Variants in TMEM170B observed in about 807,000 individuals in gnomAD.
The protein encoded by TMEM170B is transmembrane protein 170B.
Under a neutral mutation model 13.0 loss-of-function variants are expected in TMEM170B, and 6 were observed. That is an observed-to-expected ratio of 0.46 (90% CI 0.25 to 0.91). The LOEUF is 0.91. TMEM170B is among the 40% of genes least tolerant of loss of function. The pLI, the probability that TMEM170B is intolerant of heterozygous loss-of-function variation, is 0.17. For missense variants in TMEM170B, 138 were observed against 165.2 expected (o/e 0.84, Z 0.90); for synonymous variants, 61 against 64.9 (o/e 0.94, Z 0.29).
At chr6:11,540,497 G>A (rs1200294062) in intron 1 of TMEM170B, among the ~76,000 whole-genome samples, 1 of 152,156 alleles carries the variant, frequency 6.6e-6, no homozygotes, top group Admixed American at 6.6e-5. Context: ...TCATGAGATT[G>A]CAACAATTCA....
At chr6:11,543,955 T>G (rs1477052473) in intron 1 of TMEM170B, among the ~76,000 whole-genome samples, 3 of 152,182 alleles carry the variant, frequency 2.0e-5, no homozygotes, top group African/African-American at 7.2e-5. Flanking sequence ...AATAAATTCT[T>G]AAAAAGTAAT....
Position 11,577,337 on chromosome 6 carries a change from G to T in TMEM170B, c.*1776G>T, listed in dbSNP as rs1368601667. 1 of 152,022 alleles carries T rather than the reference G, an allele frequency of 6.6e-6. No homozygotes were observed. Among genetic ancestry groups the T allele is most frequent in the Non-Finnish European group, 1.5e-5 (1 of 67,926 alleles). The allele number at this position is 152,022 out of a possible 1,614,324, so 9.4% of individuals were successfully genotyped here. A position where few individuals can be genotyped will look rare whatever the true frequency, so the allele number is the denominator to read the frequency against. Reference sequence around the variant, plus strand: ...TCTTAAAATTGATTATTTTTATTATGTACAGGCCTGAAATTGTTTTCATGT... The same window carrying T: ...TCTTAAAATTGATTATTTTTATTATTTACAGGCCTGAAATTGTTTTCATGT... On this transcript the variant is annotated 3_prime_UTR_variant, in exon 3 of 3. Coordinates refer to ENST00000379426, the MANE Select transcript of TMEM170B (RefSeq NM_001100829.3).
Position 11,538,014 on chromosome 6 carries a change from C to G in TMEM170B, c.-264C>G, listed in dbSNP as rs1185095255. 6.6e-6 allele frequency among the ~76,000 whole-genome samples: 1 copy of G among 151,204 alleles called. No individual in the cohort carries two copies. Among genetic ancestry groups the G allele is most frequent in the Non-Finnish European group, 1.5e-5 (1 of 67,616 alleles). On this transcript the variant is annotated 5_prime_UTR_variant, in exon 1 of 3. Transcript: ENST00000379426. Reference sequence around the variant, plus strand: ...TCGCTCGGGGGCCGCGCGAGGACGGCGCCCGGCCCCCTCCCCTCCTTCCTC... The same window carrying G: ...TCGCTCGGGGGCCGCGCGAGGACGGGGCCCGGCCCCCTCCCCTCCTTCCTC...
chr6:11,549,454 G>A (rs1233802456), intron 1 of TMEM170B, among the ~76,000 whole-genome samples: 1 of 152,144 alleles, frequency 6.6e-6, no homozygotes, highest in African/African-American at 2.4e-5. Flanking sequence ...ACGAGGTCAG[G>A]AGATCGAGAC....
rs1221003064 is a variant in TMEM170B at position 11,538,264 on chromosome 6, G to T, written c.-14G>T. 147 of 1,311,840 alleles carry T rather than the reference G, an allele frequency of 1.1e-4. No homozygotes were observed. The highest frequency in any genetic ancestry group is 1.4e-4 in the Non-Finnish European group (144 of 1,026,320). The allele number at this position is 1,311,840 out of a possible 1,614,324, so 81.3% of individuals were successfully genotyped here. A position where few individuals can be genotyped will look rare whatever the true frequency, so the allele number is the denominator to read the frequency against. ...GGCACCCGAGGAGAGGGCGGCGGGC[G>T]CCCCTCGGGGAAGATGAAGGCGGAG... On this transcript the variant is annotated 5_prime_UTR_variant, in exon 1 of 3. Transcript: ENST00000379426.
intron 1 of TMEM170B, among the ~76,000 whole-genome samples, chr6:11,554,502 A>T (rs2113769711): frequency 6.6e-6 from 1 of 152,210 alleles, no homozygotes; most frequent in Non-Finnish European, 1.5e-5. Context: ...TCTTTTAGGA[A>T]GACAGTGCTG....
intron 2 of TMEM170B, among the ~76,000 whole-genome samples, chr6:11,571,265 A>AC (rs1197134009): frequency 6.6e-5 from 10 of 150,498 alleles, no homozygotes; most frequent in African/African-American, 2.2e-4. Context: ...ACCTTACTGT[A>AC]CCCTTGAACT....
intron 1 of TMEM170B, among the ~76,000 whole-genome samples, chr6:11,562,457 A>G (rs1759679560): frequency 6.6e-6 from 1 of 151,156 alleles, no homozygotes; most frequent in Admixed American, 6.6e-5. Flanking sequence ...ACTGTAAAAT[A>G]TATCAGATGT....
At chr6:11,546,760 A>G (rs112498560) in intron 1 of TMEM170B, among the ~76,000 whole-genome samples, 5 of 152,334 alleles carry the variant, frequency 3.3e-5, no homozygotes, top group African/African-American at 1.2e-4. Context: ...AATGGAATAT[A>G]TGTTAGCTTA....
At chr6:11,563,996 A>G (rs1198325781) in intron 1 of TMEM170B, among the ~76,000 whole-genome samples, 1 of 152,202 alleles carries the variant, frequency 6.6e-6, no homozygotes, top group Admixed American at 6.5e-5. Context: ...ATCATATGGT[A>G]TTCATTTGTG....
At chr6:11,540,004 A>T (rs1039981407) in intron 1 of TMEM170B, among the ~76,000 whole-genome samples, 7 of 152,318 alleles carry the variant, frequency 4.6e-5, no homozygotes, top group Non-Finnish European at 7.4e-5. Context: ...AAATAGCATT[A>T]TGTCTGAAAA....
At chr6:11,563,138 A>G (rs1759692649) in intron 1 of TMEM170B, among the ~76,000 whole-genome samples, 1 of 152,082 alleles carries the variant, frequency 6.6e-6, no homozygotes, top group African/African-American at 2.4e-5. Context: ...GGAGTTTGAG[A>G]CAGCCTGACC....
rs1184161649 is a variant in TMEM170B at position 11,575,239 on chromosome 6, G to C, written c.269-192G>C. ...ATAGAAAAGTCTGTTTTTCAAATAAGTGGCTAAGTGTATTATGGTAAGTTG... is the reference window on the plus strand; with the variant it reads ...ATAGAAAAGTCTGTTTTTCAAATAACTGGCTAAGTGTATTATGGTAAGTTG... On this transcript the variant is annotated intron_variant, in intron 2 of 2. Transcript: ENST00000379426. This position sits in a 1 kb window ranked among gnomAD's most constrained non-coding sequence, Gnocchi z 4.1. 1.3e-5 allele frequency among the ~76,000 whole-genome samples: 2 copies of C among 152,044 alleles called. No homozygotes were observed. The highest frequency in any genetic ancestry group is 6.6e-5 in the Admixed American group (1 of 15,242).
rs751950056 is a variant in TMEM170B, at chr6:11,565,859, G to T, written c.268+23G>T. 17 of 1,613,066 alleles carry T rather than the reference G, an allele frequency of 1.1e-5. No homozygotes were observed. The Admixed American group carries it at 2.8e-4, about 27-fold the overall frequency. Reference sequence around the variant, plus strand: ...CCAGTAAGTTGATTTTCTTTTGTCTGAGGATGTAAGTTTGTATACACTTAC... The same window carrying T: ...CCAGTAAGTTGATTTTCTTTTGTCTTAGGATGTAAGTTTGTATACACTTAC... On this transcript the variant is annotated intron_variant, in intron 2 of 2. Transcript: ENST00000379426.
intron 1 of TMEM170B, among the ~76,000 whole-genome samples, chr6:11,542,541 T>A (rs1759376620): frequency 6.6e-6 from 1 of 152,190 alleles, no homozygotes; most frequent in South Asian, 2.1e-4. Flanking sequence ...AAATAACTAC[T>A]GTCTGAATAT....
At chr6:11,553,286 C>T (rs1047154385) in intron 1 of TMEM170B, among the ~76,000 whole-genome samples, 1 of 152,120 alleles carries the variant, frequency 6.6e-6, no homozygotes, top group Non-Finnish European at 1.5e-5. Context: ...CACTGCAAAC[C>T]TGCATTGTTC....
intron 2 of TMEM170B, among the ~76,000 whole-genome samples, chr6:11,566,101 G>A (rs1013672090): frequency 1.3e-5 from 2 of 152,156 alleles, no homozygotes; most frequent in African/African-American, 4.8e-5. Context: ...AGGCAAGGCA[G>A]GTCAATGGGA....
At chr6:11,560,047 C>T (rs1374924693) in intron 1 of TMEM170B, among the ~76,000 whole-genome samples, 1 of 151,830 alleles carries the variant, frequency 6.6e-6, no homozygotes, top group Non-Finnish European at 1.5e-5. Flanking sequence ...GTAACTTTAT[C>T]CTAGAGTAGT....
At chr6:11,565,884 C>T (rs752402067) in intron 2 of TMEM170B, 48 bp downstream of exon 2, 5 of 1,573,390 alleles carry the variant, frequency 3.2e-6, no homozygotes, top group South Asian at 1.1e-5. Context: ...TATACACTTA[C>T]CATTTTGGTA....
Sources: gnomAD v4.1 joint callset for allele counts (sites outside exome capture counted in the v4.1 genomes callset) on GRCh38, gnomAD v4.1.1 for gene constraint, Gnocchi (gnomAD v3.1) non-coding constraint, MANE v1.5 for transcripts, NCBI Gene and HGNC (gene_info 2026-07-23, HGNC 2026-07-21) for gene names.